The following CAV3 variants were observed in gnomAD, a reference collection of about 807,000 sequenced individuals.
CAV3 encodes caveolin-3.
CAV3 carries 10 observed loss-of-function variants against 13.4 expected under a neutral mutation model. The ratio of observed to expected loss-of-function variants is 0.75; its 90% CI spans 0.46 to 1.27. CAV3 has a LOEUF of 1.27. Ranked by LOEUF, CAV3 falls within the 50% of genes most tolerant of loss-of-function variation. The pLI is 0.00. For synonymous variants in CAV3, 90 were observed against 79.0 expected, an observed-to-expected ratio of 1.14 and a Z score of -0.74; for missense variants, 162 against 194.0, an observed-to-expected ratio of 0.83 and a Z score of 0.98.
chr3:8,734,013 G>C (rs556624964), intron 1 of CAV3, 23 bp downstream of exon 1: 1 of 1,419,438 alleles, frequency 7.0e-7, no homozygotes. Context: ...GGCCTGCCTC[G>C]GCGGGCGGAG....
At chr3:8,741,124 A>AC (rs142012050) in intron 1 of CAV3, among the ~76,000 whole-genome samples, 7,318 of 152,236 alleles carry the variant, frequency 0.048, 294 homozygotes, top group Middle Eastern at 0.12. Flanking sequence ...CTATCACCTC[A>AC]TTTTACTTCC....
Position 8,745,871 on chromosome 3 carries a change from C to T in CAV3, c.*4C>T, listed in dbSNP as rs1266078186. The T allele has an allele frequency of 6.2e-7, 1 of 1,607,774 alleles. No individual in the cohort carries two copies. The highest frequency in any genetic ancestry group is 8.5e-7 in the Non-Finnish European group (1 of 1,176,884). On this transcript the variant is annotated 3_prime_UTR_variant, in exon 2 of 2. Transcript: ENST00000343849. This position sits in a 1 kb window ranked among gnomAD's most constrained non-coding sequence, Gnocchi z 4.8. ...GGTGCTGCGGAAGGAGGTCTAAAGC[C>T]AGGTGGGGCAACAGCGGTGGCAGGG...
At chr3:8,742,014 A>T (rs1707978710) in intron 1 of CAV3, among the ~76,000 whole-genome samples, 1 of 152,188 alleles carries the variant, frequency 6.6e-6, no homozygotes, top group Admixed American at 6.5e-5. Flanking sequence ...CAGCACGCAG[A>T]TGCAGGCTTT....
chr3:8,737,305 AC>A (rs1469438060), intron 1 of CAV3, among the ~76,000 whole-genome samples: 1 of 152,158 alleles, frequency 6.6e-6, no homozygotes, highest in East Asian at 1.9e-4. Flanking sequence ...CTGGTCCAAG[AC>A]CTGACAGTAA....
chr3:8,745,671 T>A lies in CAV3; in HGVS notation c.260T>A (p.Leu87His), dbSNP rs28936685. Residue 87 changes from leucine (L) to histidine (H), a missense_variant, in exon 2 of 2, where the codon CTC becomes CAC. Coordinates refer to ENST00000343849, the MANE Select transcript of CAV3 (RefSeq NM_033337.3). The surrounding 1 kb of genome is among the most constrained non-coding windows in gnomAD (Gnocchi z 4.8). Reference protein sequence around the residue: ...STLLGVPLALLWGFLFACISF... With the variant: ...STLLGVPLALHWGFLFACISF... ...CTGCTGGGCGTCCCACTGGCCCTGC[T>A]CTGGGGCTTCCTGTTCGCCTGCATC... 1 of 1,614,200 alleles carries A rather than the reference T, an allele frequency of 6.2e-7. No homozygotes were observed. The highest frequency in any genetic ancestry group is 2.2e-5 in the East Asian group (1 of 44,878).
intron 1 of CAV3, among the ~76,000 whole-genome samples, chr3:8,741,131 T>C (rs1707943949): frequency 6.6e-6 from 1 of 152,230 alleles, no homozygotes. Flanking sequence ...CTCATTTTAC[T>C]TCCTACTTTG....
chr3:8,735,590 G>C (rs1707726146), intron 1 of CAV3, among the ~76,000 whole-genome samples: 1 of 152,268 alleles, frequency 6.6e-6, no homozygotes, highest in South Asian at 2.1e-4. Flanking sequence ...AGCGCTCAAA[G>C]CTCCTGGCCA....
At chr3:8,737,637 A>G (rs1438017496) in intron 1 of CAV3, among the ~76,000 whole-genome samples, 2 of 152,086 alleles carry the variant, frequency 1.3e-5, no homozygotes, top group African/African-American at 4.8e-5. Flanking sequence ...GCACACCCCC[A>G]TTTCTGTTGC....
intron 1 of CAV3, among the ~76,000 whole-genome samples, chr3:8,744,092 T>C (rs1021484326): frequency 6.6e-6 from 1 of 152,076 alleles, no homozygotes; most frequent in African/African-American, 2.4e-5. Flanking sequence ...TGTACCTGCA[T>C]CCACCCCCTT....
chr3:8,743,157 CA>C (rs1473509022), intron 1 of CAV3, among the ~76,000 whole-genome samples: 1 of 152,164 alleles, frequency 6.6e-6, no homozygotes, highest in Non-Finnish European at 1.5e-5. Flanking sequence ...CCCCATGACC[CA>C]AACACCTCCC....
rs1707646903 is a variant in CAV3 at position 8,733,808 on chromosome 3, C to T, written c.-69C>T. ...GGGGACACTGAATTGGTCTCTCTGC[C>T]CCAAGTATTTTCAGCCCCAGCCGGC... is the stretch of plus-strand genomic sequence containing the variant. On this transcript the variant is annotated 5_prime_UTR_variant, in exon 1 of 2. Transcript: ENST00000343849. 2.2e-6 allele frequency: 2 copies of T among 923,902 alleles called. No individual in the cohort carries two copies. The allele number at this position is 923,902 out of a possible 1,614,324, so 57.2% of individuals were successfully genotyped here. A position where few individuals can be genotyped will look rare whatever the true frequency, so the allele number is the denominator to read the frequency against.
At chr3:8,739,757 T>C (rs916734603) in intron 1 of CAV3, among the ~76,000 whole-genome samples, 5 of 152,234 alleles carry the variant, frequency 3.3e-5, no homozygotes, top group African/African-American at 1.2e-4. Context: ...CAGTTATCAA[T>C]TGTGAGTAAC....
At chr3:8,734,060 G>T (rs1707659922) in intron 1 of CAV3, 70 bp downstream of exon 1, 1 of 828,878 alleles carries the variant, frequency 1.2e-6, no homozygotes, top group Non-Finnish European at 2.1e-6. Flanking sequence ...CTTGGCAGGG[G>T]AGGGTATCTG....
At chr3:8,739,632 AAAAAG>A (rs1287750029) in intron 1 of CAV3, among the ~76,000 whole-genome samples, 1 of 152,050 alleles carries the variant, frequency 6.6e-6, no homozygotes, top group Non-Finnish European at 1.5e-5. Context: ...AAAAAAAAAA[AAAAAG>A]AGTTTCACGC....
At chr3:8,741,677 C>T (rs1241140497) in intron 1 of CAV3, among the ~76,000 whole-genome samples, 1 of 152,136 alleles carries the variant, frequency 6.6e-6, no homozygotes, top group African/African-American at 2.4e-5. Context: ...TATTTCCCCA[C>T]CCACAGATAT....
intron 1 of CAV3, among the ~76,000 whole-genome samples, chr3:8,740,672 AC>A (rs1707925920): frequency 6.6e-6 from 1 of 152,162 alleles, no homozygotes; most frequent in Non-Finnish European, 1.5e-5. Context: ...CTTAAGGTAG[AC>A]CTGGAGCTGA....
chr3:8,740,158 C>T (rs1707908075), intron 1 of CAV3, among the ~76,000 whole-genome samples: 1 of 152,164 alleles, frequency 6.6e-6, no homozygotes. Flanking sequence ...GGACTTCTAA[C>T]ATGGGGGCTC....
chr3:8,740,497 G>A (rs1364981310), intron 1 of CAV3, among the ~76,000 whole-genome samples: 2 of 152,210 alleles, frequency 1.3e-5, no homozygotes, highest in Non-Finnish European at 2.9e-5. Context: ...GAAGGGACAG[G>A]CAGTGAGGCA....
intron 1 of CAV3, among the ~76,000 whole-genome samples, chr3:8,739,966 G>C (rs1392237750): frequency 6.6e-6 from 1 of 152,110 alleles, no homozygotes; most frequent in African/African-American, 2.4e-5. Flanking sequence ...TTCACTCATA[G>C]CCCTGGAGGA....
Sources: gnomAD v4.1 joint callset for allele counts (sites outside exome capture counted in the v4.1 genomes callset) on GRCh38, gnomAD v4.1.1 for gene constraint, Gnocchi (gnomAD v3.1) non-coding constraint, MANE v1.5 for transcripts, NCBI Gene and HGNC (gene_info 2026-07-23, HGNC 2026-07-21) for gene names.